The following FAM120B variants were observed in gnomAD, a reference collection of about 807,000 sequenced individuals.
The protein encoded by FAM120B is family with sequence similarity 120 member B.
Under a neutral mutation model 96.3 loss-of-function variants are expected in FAM120B, and 83 were observed. The observed-to-expected ratio is 0.86, with a 90% confidence interval of 0.72 to 1.03. The LOEUF is 1.03. Among genes scored for constraint, FAM120B ranks in the 50% least tolerant of loss-of-function variants. The pLI, the probability that FAM120B is intolerant of heterozygous loss-of-function variation, is 0.00. For missense variants in FAM120B, 1,027 were observed against 1,121.2 expected (o/e 0.92, Z 1.20); for synonymous variants, 407 against 402.7 (o/e 1.01, Z -0.13).
intron 7 of FAM120B, 133 bp from the exon 8 acceptor site, chr6:170,390,880 G>A: frequency 1.4e-6 from 1 of 709,796 alleles, no homozygotes; most frequent in Non-Finnish European, 2.6e-6. Context: ...TGGGAGGAGG[G>A]TGCAGCCACC....
chr6:170,358,000 G>A (rs1202903757), intron 5 of FAM120B, among the ~76,000 whole-genome samples: 5 of 152,070 alleles, frequency 3.3e-5, no homozygotes, highest in Admixed American at 2.6e-4. Flanking sequence ...ACACCTGTGT[G>A]TGTACATGTG....
intron 6 of FAM120B, among the ~76,000 whole-genome samples, chr6:170,368,473 A>G (rs1788939394): frequency 6.6e-6 from 1 of 152,260 alleles, no homozygotes; most frequent in African/African-American, 2.4e-5. Context: ...AGACATAATG[A>G]GATCAAGCCG....
At chr6:170,366,311 C>T (rs947250042) in intron 6 of FAM120B, among the ~76,000 whole-genome samples, 29 of 152,070 alleles carry the variant, frequency 1.9e-4, no homozygotes, top group African/African-American at 6.8e-4. Flanking sequence ...GTGGGGGAAG[C>T]GGTTAGGTTC....
At chr6:170,391,999 T>C (rs1422612249) in intron 8 of FAM120B, among the ~76,000 whole-genome samples, 1 of 152,210 alleles carries the variant, frequency 6.6e-6, no homozygotes, top group African/African-American at 2.4e-5. Context: ...TGTTTGGAGC[T>C]CTGAGGGTAT....
At chr6:170,391,424 A>G (rs536615084) in intron 8 of FAM120B, among the ~76,000 whole-genome samples, 1 of 152,156 alleles carries the variant, frequency 6.6e-6, no homozygotes, top group East Asian at 1.9e-4. Context: ...AATCCCAGCT[A>G]CTTGGGAGGC....
At chr6:170,310,666 A>C (rs1784537212) in intron 1 of FAM120B, among the ~76,000 whole-genome samples, 1 of 152,252 alleles carries the variant, frequency 6.6e-6, no homozygotes, top group Non-Finnish European at 1.5e-5. Flanking sequence ...GAGGCTGCAC[A>C]AAACTGATAA....
Position 170,319,048 on chromosome 6 carries a change from A to G in FAM120B, c.1658A>G (p.Lys553Arg). ...EALMCTNPEI[K>R]QEDPTNVGPE... ...CTCATGTGTACAAACCCTGAAATTA[A>G]ACAAGAAGACCCCACAAATGTGGGG... Residue 553 changes from lysine to arginine, a missense_variant, in exon 2 of 11, where the codon AAA becomes AGA. By Grantham distance (26) the Lys-to-Arg change is conservative (BLOSUM62 2). Coordinates refer to ENST00000476287, the MANE Select transcript of FAM120B (RefSeq NM_032448.3). 1.9e-6 allele frequency: 3 copies of G among 1,606,982 alleles called. No individual in the cohort carries two copies. Among genetic ancestry groups the G allele is most frequent in the South Asian group, 2.2e-5 (2 of 89,820 alleles).
At chr6:170,401,440 G>A (rs112552542) in intron 9 of FAM120B, among the ~76,000 whole-genome samples, 16 of 152,268 alleles carry the variant, frequency 1.1e-4, no homozygotes, top group African/African-American at 3.6e-4. Flanking sequence ...CATCAGGACT[G>A]AGCTGGAGAA....
At chr6:170,322,227 A>G (rs1344432027) in intron 2 of FAM120B, among the ~76,000 whole-genome samples, 2 of 152,246 alleles carry the variant, frequency 1.3e-5, no homozygotes, top group Admixed American at 1.3e-4. Context: ...TCAGTAAACA[A>G]TTTCTCAACA....
intron 4 of FAM120B, among the ~76,000 whole-genome samples, chr6:170,343,658 G>A (rs1253797368): frequency 1.3e-5 from 2 of 152,062 alleles, no homozygotes; most frequent in East Asian, 1.9e-4. Flanking sequence ...AAACTCAGCA[G>A]CTGAATCACC....
chr6:170,378,299 C>T (rs1375131566), intron 6 of FAM120B, among the ~76,000 whole-genome samples: 1 of 152,106 alleles, frequency 6.6e-6, no homozygotes, highest in African/African-American at 2.4e-5. Context: ...TAACCCCGAG[C>T]AGTTTCTAAG....
chr6:170,329,429 G>A (rs1273756828), intron 3 of FAM120B, among the ~76,000 whole-genome samples: 1 of 152,210 alleles, frequency 6.6e-6, no homozygotes, highest in Non-Finnish European at 1.5e-5. Context: ...ATGGTAGGAA[G>A]GCTGGTCAGT....
intron 1 of FAM120B, among the ~76,000 whole-genome samples, chr6:170,307,290 C>T (rs935964484): frequency 2.0e-5 from 3 of 152,216 alleles, no homozygotes; most frequent in Admixed American, 2.0e-4. Flanking sequence ...CTTCACTTTT[C>T]TCCCATCATC....
Position 170,318,596 on chromosome 6 carries a change from C to G in FAM120B, c.1206C>G (p.Pro402=). The change falls in exon 2 of 11, where the codon CCC becomes CCG. Residue 402 remains proline (P), a synonymous_variant. Transcript: ENST00000476287. ...GCCCTGAATCCAGGCGAGAAGTTCC[C>G]ATGTGTTCAGACCCTGAACCCAGGC... ...CTGPESRREV[P]MCSDPEPRQE... is the part of the protein sequence containing the mutation. 6.4e-7 allele frequency: 1 copy of G among 1,573,808 alleles called. No homozygotes were observed. Among genetic ancestry groups the G allele is most frequent in the South Asian group, 1.1e-5 (1 of 87,026 alleles).
chr6:170,374,491 C>T (rs1056312967), intron 6 of FAM120B, among the ~76,000 whole-genome samples: 1 of 152,178 alleles, frequency 6.6e-6, no homozygotes, highest in African/African-American at 2.4e-5. Context: ...CAGGAGTTTG[C>T]AAGTTCCTGC....
At position 170,363,889 on chromosome 6, in the gene FAM120B, C is replaced by T. The variant is rs1309737439; in HGVS notation, c.2283+5571C>T. ...CTGGGATTACGGGCATGCACCACCA[C>T]ACCCAGCTAATTTTTGTATTTTCAA... On this transcript the variant is annotated intron_variant, in intron 6 of 10. Coordinates refer to ENST00000476287, the MANE Select transcript of FAM120B (RefSeq NM_032448.3). This position sits in a 1 kb window ranked among gnomAD's most constrained non-coding sequence, Gnocchi z 4.5. 1.3e-5 allele frequency among the ~76,000 whole-genome samples: 2 copies of T among 152,118 alleles called. No individual in the cohort carries two copies. The highest frequency in any genetic ancestry group is 6.5e-5 in the Admixed American group (1 of 15,270).
intron 6 of FAM120B, among the ~76,000 whole-genome samples, chr6:170,377,136 A>G (rs1194098186): frequency 9.3e-6 from 1 of 108,066 alleles, no homozygotes; most frequent in African/African-American, 4.1e-5. Flanking sequence ...GGGAGAACAC[A>G]GGCTCACGCT....
chr6:170,355,669 C>T (rs960818812), intron 5 of FAM120B, among the ~76,000 whole-genome samples: 3 of 152,090 alleles, frequency 2.0e-5, no homozygotes, highest in Admixed American at 1.3e-4. Context: ...CATCATGGCA[C>T]GTGTTTACCT....
At chr6:170,391,151 CCCA>C (rs1562594992) in intron 8 of FAM120B, 30 bp downstream of exon 8, 1 of 1,486,976 alleles carries the variant, frequency 6.7e-7, no homozygotes, top group Admixed American at 1.7e-5. Context: ...CTCTAGAAGC[CCCA>C]CAAGCGTAGA....
Sources: gnomAD v4.1 joint callset for allele counts (sites outside exome capture counted in the v4.1 genomes callset) on GRCh38, gnomAD v4.1.1 for gene constraint, Gnocchi (gnomAD v3.1) non-coding constraint, MANE v1.5 for transcripts, NCBI Gene and HGNC (gene_info 2026-07-23, HGNC 2026-07-21) for gene names.